The following IFT80 variants were observed in gnomAD, a reference collection of about 807,000 sequenced individuals.
IFT80 encodes intraflagellar transport protein 80 homolog.
Under a neutral mutation model 107.9 loss-of-function variants are expected in IFT80, and 79 were observed. The ratio of observed to expected loss-of-function variants is 0.73; its 90% CI spans 0.61 to 0.88. The LOEUF (loss-of-function observed/expected upper bound fraction) is 0.88. IFT80 is among the 40% of genes least tolerant of loss of function. IFT80 has a pLI of 0.00. For missense variants in IFT80, 797 were observed against 914.2 expected, an observed-to-expected ratio of 0.87 and a Z score of 1.65; for synonymous variants, 299 against 300.9, an observed-to-expected ratio of 0.99 and a Z score of 0.07.
intron 3 of IFT80, among the ~76,000 whole-genome samples, chr3:160,379,459 A>G (rs1437084728): frequency 6.6e-6 from 1 of 152,230 alleles, no homozygotes; most frequent in African/African-American, 2.4e-5. Context: ...GTGGCAATGT[A>G]ACAGAAAATT....
intron 3 of IFT80, among the ~76,000 whole-genome samples, chr3:160,380,911 A>C (rs970360520): frequency 8.5e-5 from 13 of 152,082 alleles, no homozygotes; most frequent in African/African-American, 2.9e-4. Flanking sequence ...AACTATGATA[A>C]CAGCTTAACT....
chr3:160,285,712 C>A (rs1576752434), intron 13 of IFT80, 92 bp downstream of exon 13: 4 of 865,562 alleles, frequency 4.6e-6, no homozygotes, highest in Non-Finnish European at 5.5e-6. Flanking sequence ...AAACTAATTC[C>A]TTTGTGTCCT....
chr3:160,341,244 T>G (rs1436197442), intron 8 of IFT80, among the ~76,000 whole-genome samples: 1 of 152,010 alleles, frequency 6.6e-6, no homozygotes, highest in Non-Finnish European at 1.5e-5. Context: ...ACTCTTGGAC[T>G]CAAGAAATCT....
chr3:160,377,412 T>C lies in IFT80; in HGVS notation c.370+18A>G. 7.1e-7 allele frequency: 1 copy of C among 1,403,758 alleles called. No homozygotes were observed. The highest frequency in any genetic ancestry group is 1.0e-6 in the Non-Finnish European group (1 of 988,786). 87.0% of individuals were successfully genotyped at this position (1,403,758 alleles called of 1,614,324 possible). A position where few individuals can be genotyped will look rare whatever the true frequency, so the allele number is the denominator to read the frequency against. On this transcript the variant is annotated intron_variant, in intron 4 of 19. Coordinates refer to ENST00000326448, the MANE Select transcript of IFT80 (RefSeq NM_020800.3). Reference sequence around the variant, plus strand: ...TTTAAAATATTCATTTCAAATGTCATTTTTACAGACAACTTACCTGTAACT... The same window carrying C: ...TTTAAAATATTCATTTCAAATGTCACTTTTACAGACAACTTACCTGTAACT...
chr3:160,327,732 A>G (rs1011841979), intron 8 of IFT80, among the ~76,000 whole-genome samples: 7 of 152,170 alleles, frequency 4.6e-5, no homozygotes, highest in African/African-American at 1.7e-4. Context: ...AACTATAAAT[A>G]CCCTAGAAGA....
chr3:160,359,397 A>G (rs1375794577), intron 6 of IFT80, among the ~76,000 whole-genome samples: 2 of 152,202 alleles, frequency 1.3e-5, no homozygotes, highest in Non-Finnish European at 2.9e-5. Context: ...CTGAATAGGA[A>G]TAGCTCTGGT....
intron 8 of IFT80, among the ~76,000 whole-genome samples, chr3:160,338,723 T>A (rs1719670499): frequency 6.6e-6 from 1 of 152,066 alleles, no homozygotes; most frequent in Non-Finnish European, 1.5e-5. Flanking sequence ...AACATGGCCC[T>A]GGGATCTGGA....
intron 12 of IFT80, chr3:160,299,284 G>T: frequency 8.9e-7 from 1 of 1,122,344 alleles, no homozygotes; most frequent in Admixed American, 3.6e-5. Context: ...CCTAAATGAA[G>T]AGATAGAAAA....
chr3:160,359,978 T>C (rs1308191019), intron 6 of IFT80, among the ~76,000 whole-genome samples: 1 of 152,082 alleles, frequency 6.6e-6, no homozygotes, highest in Admixed American at 6.5e-5. Context: ...TCGCCAGCAA[T>C]GGAACAAAGC....
chr3:160,284,656 C>T (rs186315910), intron 13 of IFT80, among the ~76,000 whole-genome samples: 137 of 152,252 alleles, frequency 9.0e-4, no homozygotes, highest in Admixed American at 2.2e-3. Context: ...CTTGGCAATA[C>T]TGTAATACTA....
At chr3:160,273,418 A>G (rs1461324688) in intron 18 of IFT80, among the ~76,000 whole-genome samples, 2 of 152,180 alleles carry the variant, frequency 1.3e-5, no homozygotes, top group African/African-American at 4.8e-5. Context: ...ATCAGTGATG[A>G]CATTAAGCAG....
At chr3:160,288,458 G>T (rs1424724178) in intron 12 of IFT80, among the ~76,000 whole-genome samples, 1 of 152,186 alleles carries the variant, frequency 6.6e-6, no homozygotes. Flanking sequence ...GATGCCAAAA[G>T]CAATCGCAAC....
At chr3:160,336,511 TCCC>T (rs998335128) in intron 8 of IFT80, among the ~76,000 whole-genome samples, 5 of 152,026 alleles carry the variant, frequency 3.3e-5, no homozygotes, top group Admixed American at 6.6e-5. Flanking sequence ...TCCTTTTCTC[TCCC>T]CCATTTCCTC....
intron 19 of IFT80, among the ~76,000 whole-genome samples, chr3:160,266,791 A>G (rs1713367116): frequency 6.6e-6 from 1 of 152,204 alleles, no homozygotes; most frequent in Non-Finnish European, 1.5e-5. Flanking sequence ...AAATTATACA[A>G]TAAACAAGGT....
intron 12 of IFT80, among the ~76,000 whole-genome samples, chr3:160,290,574 T>G: frequency 6.6e-6 from 1 of 152,038 alleles, no homozygotes; most frequent in East Asian, 1.9e-4. Flanking sequence ...TGTTTGTTTG[T>G]TTTTGTTTTG....
At chr3:160,340,956 T>C (rs944494936) in intron 8 of IFT80, among the ~76,000 whole-genome samples, 3 of 152,198 alleles carry the variant, frequency 2.0e-5, no homozygotes, top group Non-Finnish European at 4.4e-5. Context: ...GCATATTCCT[T>C]TTTTCTAAAG....
intron 8 of IFT80, among the ~76,000 whole-genome samples, chr3:160,340,403 C>T (rs548867572): frequency 4.6e-5 from 7 of 152,286 alleles, no homozygotes; most frequent in Admixed American, 4.6e-4. Flanking sequence ...TCTTGCAGTT[C>T]TCTAAGTCAT....
intron 6 of IFT80, among the ~76,000 whole-genome samples, chr3:160,365,649 T>C (rs973836512): frequency 9.9e-5 from 15 of 152,138 alleles, no homozygotes; most frequent in Non-Finnish European, 1.5e-5. Flanking sequence ...ACAGCAATCC[T>C]GTTAAGCTGA....
chr3:160,381,651 T>C lies in IFT80; in HGVS notation c.111A>G (p.Ile37Met). Residue 37 changes from isoleucine (I) to methionine (M), a missense_variant, in exon 3 of 20, where the codon ATA becomes ATG. Physicochemically the swap from Ile to Met is conservative, Grantham distance 10. Transcript: ENST00000326448. ...ELYSCSDDHQ[I>M]VKWNLLTSET... ...CACTGGTTAACAAGTTCCACTTCAC[T>C]ATCTGGTGATCATCACTACATGAAT... 6.2e-7 allele frequency: 1 copy of C among 1,612,498 alleles called. No individual in the cohort carries two copies. The highest frequency in any genetic ancestry group is 1.7e-5 in the Admixed American group (1 of 60,016).
Sources: allele counts gnomAD v4.1 joint callset (sites outside exome capture counted in the v4.1 genomes callset), GRCh38; gene constraint gnomAD v4.1.1; transcripts MANE v1.5; gene names NCBI Gene and HGNC (gene_info 2026-07-23, HGNC 2026-07-21).